The following SESN1 variants were observed in gnomAD, a reference collection of about 807,000 sequenced individuals.
SESN1 encodes the protein sestrin 1.
A neutral mutation model predicts 59.3 loss-of-function variants in SESN1; 30 were observed. The ratio of observed to expected loss-of-function variants is 0.51; its 90% CI spans 0.38 to 0.69. SESN1 has a LOEUF of 0.69. Among genes scored for constraint, SESN1 ranks in the 30% least tolerant of loss-of-function variants. SESN1 has a pLI of 0.00. For synonymous variants in SESN1, 197 were observed against 219.9 expected, an observed-to-expected ratio of 0.90 and a Z score of 0.92; for missense variants, 566 against 673.0, an observed-to-expected ratio of 0.84 and a Z score of 1.76.
intron 1 of SESN1, among the ~76,000 whole-genome samples, chr6:109,010,737 A>C (rs753014011): frequency 6.6e-6 from 1 of 152,252 alleles, no homozygotes; most frequent in Non-Finnish European, 1.5e-5. Context: ...TGGTCAAAAG[A>C]AGCAATATTG....
At chr6:109,052,860 A>T (rs1176769489) in intron 1 of SESN1, among the ~76,000 whole-genome samples, 1 of 152,204 alleles carries the variant, frequency 6.6e-6, no homozygotes, top group Non-Finnish European at 1.5e-5. Flanking sequence ...CTTAATCCAG[A>T]CTAAGTACTG....
intron 1 of SESN1, among the ~76,000 whole-genome samples, chr6:109,068,698 A>G (rs1197898789): frequency 1.3e-5 from 2 of 151,786 alleles, no homozygotes; most frequent in South Asian, 4.2e-4. Flanking sequence ...ATATTCTGAC[A>G]TACACCAGTG....
intron 1 of SESN1, among the ~76,000 whole-genome samples, chr6:109,066,388 C>G (rs551688845): frequency 6.7e-6 from 1 of 148,732 alleles, no homozygotes; most frequent in South Asian, 2.1e-4. Context: ...GTTATTATTT[C>G]TCTTTGTCTC....
chr6:109,094,830 AG>A lies in SESN1; in HGVS notation c.-758del, dbSNP rs1403008325. Reference sequence around the variant, plus strand: ...GCGGCCCTGGCAATCCTCGAGCGCCAGGCTGGGCCGCGGAGCTGGCGGGGCG... The same window carrying A: ...GCGGCCCTGGCAATCCTCGAGCGCCAGCTGGGCCGCGGAGCTGGCGGGGCG... On this transcript the variant is annotated 5_prime_UTR_variant, in exon 1 of 10. Transcript: ENST00000436639. 4 of 152,394 alleles carry A rather than the reference AG, an allele frequency of 2.6e-5. No individual in the cohort carries two copies. In the East Asian group the frequency reaches 5.8e-4, roughly 22 times the overall value. 9.4% of individuals were successfully genotyped at this position (152,394 alleles called of 1,614,324 possible). A position where few individuals can be genotyped will look rare whatever the true frequency, so the allele number is the denominator to read the frequency against.
chr6:108,985,304 C>T lies in SESN1; in HGVS notation c.*2240G>A, dbSNP rs1779154964. 6.6e-6 allele frequency among the ~76,000 whole-genome samples: 1 copy of T among 152,050 alleles called. No homozygotes were observed. The highest frequency in any genetic ancestry group is 1.5e-5 in the Non-Finnish European group (1 of 68,006). ...GCCAAAACAACTCAAGATTTTAACT[C>T]TTGAATCCTGGGACCCTCAACCAGA... is the stretch of plus-strand genomic sequence containing the variant. On this transcript the variant is annotated 3_prime_UTR_variant, in exon 10 of 10. Coordinates refer to ENST00000436639, the MANE Select transcript of SESN1 (RefSeq NM_014454.3).
At chr6:109,022,391 C>T (rs1252792924) in intron 1 of SESN1, among the ~76,000 whole-genome samples, 1 of 140,260 alleles carries the variant, frequency 7.1e-6, no homozygotes, top group Non-Finnish European at 1.5e-5. Flanking sequence ...CATATGTATG[C>T]ATCAGGCATT....
intron 1 of SESN1, among the ~76,000 whole-genome samples, chr6:109,034,997 T>C (rs1269091859): frequency 3.9e-5 from 6 of 152,238 alleles, no homozygotes; most frequent in African/African-American, 1.4e-4. Context: ...AAGTGAAATC[T>C]GAATTTCAAT....
At chr6:109,059,510 A>T (rs1583290908) in intron 1 of SESN1, 1 of 152,166 alleles carries the variant, frequency 6.6e-6, no homozygotes, top group African/African-American at 2.4e-5. Flanking sequence ...TTTTATTTTT[A>T]AAATATGGAA....
At chr6:108,995,721 C>T (rs894224322) in intron 5 of SESN1, among the ~76,000 whole-genome samples, 3 of 152,154 alleles carry the variant, frequency 2.0e-5, no homozygotes, top group African/African-American at 7.2e-5. Flanking sequence ...GAGTTCAAGG[C>T]TGCAGTGAGC....
At position 109,058,632 on chromosome 6, in the gene SESN1, T is replaced by A. The variant is rs114834974; in HGVS notation, c.279+35163A>T. 3.1e-3 allele frequency among the ~76,000 whole-genome samples: 475 copies of A among 152,342 alleles called. 3 individuals carry two copies. Among genetic ancestry groups the A allele is most frequent in the African/African-American group, 0.011 (453 of 41,574 alleles). On this transcript the variant is annotated intron_variant, in intron 1 of 9. Coordinates refer to ENST00000436639, the MANE Select transcript of SESN1 (RefSeq NM_014454.3). ...AACACGTAACAGAAGGAAAGTTTCA[T>A]TTGGCACAGAAGTAAAAGTAATTCA...
intron 2 of SESN1, among the ~76,000 whole-genome samples, chr6:109,001,927 A>G (rs957138842): frequency 4.6e-5 from 7 of 152,210 alleles, no homozygotes; most frequent in African/African-American, 1.7e-4. Flanking sequence ...TTAAAGATCC[A>G]ATCTAGCACT....
rs1012975211 is a variant in SESN1, at chr6:109,080,678, G to A, written c.279+13117C>T. The stretch of plus-strand genomic sequence containing the variant: ...TATTTTTACTGTTAGGAATCTTAAC[G>A]TTAAATTTTTATTCAGATAATGAGG... On this transcript the variant is annotated intron_variant, in intron 1 of 9. Transcript: ENST00000436639. Among the ~76,000 whole-genome samples the A allele has an allele frequency of 2.9e-4, 44 of 152,128 alleles. 1 individual carries two copies. Among genetic ancestry groups the A allele is most frequent in the Non-Finnish European group, 7.4e-5 (5 of 68,012 alleles).
chr6:109,007,085 C>T (rs1464734611), intron 1 of SESN1, among the ~76,000 whole-genome samples: 2 of 152,168 alleles, frequency 1.3e-5, no homozygotes, highest in African/African-American at 4.8e-5. Context: ...CCCTCAACAA[C>T]CTAATAACCA....
At chr6:109,045,845 A>G (rs1172167634) in intron 1 of SESN1, among the ~76,000 whole-genome samples, 1 of 152,168 alleles carries the variant, frequency 6.6e-6, no homozygotes, top group African/African-American at 2.4e-5. Context: ...AGTGTCTGGC[A>G]TGGAATGTTA....
intron 1 of SESN1, among the ~76,000 whole-genome samples, chr6:109,023,864 A>T (rs970427829): frequency 6.6e-6 from 1 of 152,218 alleles, no homozygotes; most frequent in Non-Finnish European, 1.5e-5. Flanking sequence ...AGTCACTTTC[A>T]TATATTTAAA....
At chr6:109,053,109 T>C (rs1258869619) in intron 1 of SESN1, among the ~76,000 whole-genome samples, 2 of 151,760 alleles carry the variant, frequency 1.3e-5, no homozygotes, top group African/African-American at 4.8e-5. Context: ...AGGAGGTAGG[T>C]TGGGAATAAT....
intron 1 of SESN1, among the ~76,000 whole-genome samples, chr6:109,066,119 G>A (rs1780820560): frequency 6.6e-6 from 1 of 152,014 alleles, no homozygotes; most frequent in Non-Finnish European, 1.5e-5. Flanking sequence ...TATATTGACA[G>A]GTAATAAAAA....
rs1184378999 is a variant in SESN1, at chr6:109,001,350, G to A, written c.484C>T (p.His162Tyr). Reference sequence around the variant, plus strand: ...GGCCCATCCATTTGCAGTAGATAGTGCTGAGTTTTTAAGAAACTTTCTAAA... The same window carrying A: ...GGCCCATCCATTTGCAGTAGATAGTACTGAGTTTTTAAGAAACTTTCTAAA... ...QYLESFLKTQ[H>Y]YLLQMDGPLP... Residue 162 changes from histidine to tyrosine, a missense_variant, in exon 3 of 10, where the codon CAC (histidine) becomes TAC (tyrosine). By Grantham distance (83) the His-to-Tyr change is moderately conservative. Transcript: ENST00000436639. 1 of 1,613,836 alleles carries A rather than the reference G, an allele frequency of 6.2e-7. No homozygotes were observed. Among genetic ancestry groups the A allele is most frequent in the Non-Finnish European group, 8.5e-7 (1 of 1,179,800 alleles).
chr6:109,014,829 G>A (rs1779908599), intron 1 of SESN1, among the ~76,000 whole-genome samples: 2 of 151,902 alleles, frequency 1.3e-5, no homozygotes, highest in Non-Finnish European at 1.5e-5. Context: ...CATGACCCCC[G>A]TTTCTCAAAA....
Sources: gnomAD v4.1 joint callset for allele counts (sites outside exome capture counted in the v4.1 genomes callset) on GRCh38, gnomAD v4.1.1 for gene constraint, MANE v1.5 for transcripts, NCBI Gene and HGNC (gene_info 2026-07-23, HGNC 2026-07-21) for gene names.